SBF2: variants seen among roughly 807,000 people sequenced by gnomAD.
SBF2 encodes SET binding factor 2, also known as myotubularin-related protein 13.
A neutral mutation model predicts 225.2 loss-of-function variants in SBF2; 112 were observed. The observed-to-expected ratio is 0.50, with a 90% CI of 0.43 to 0.58. The LOEUF (loss-of-function observed/expected upper bound fraction) is 0.58. Ranked by LOEUF, SBF2 falls within the 20% of genes least tolerant of loss-of-function variation. The pLI is 0.00. For synonymous variants in SBF2, 763 were observed against 773.3 expected (o/e 0.99, Z 0.22); for missense variants, 1,996 against 2,206.2 (o/e 0.90, Z 1.91).
At chr11:9,830,422 G>T (rs1024085345) in intron 27 of SBF2, among the ~76,000 whole-genome samples, 1 of 152,066 alleles carries the variant, frequency 6.6e-6, no homozygotes, top group African/African-American at 2.4e-5. Context: ...CACATCAATT[G>T]TAAGATGCAT....
At chr11:9,914,374 G>A (rs985652549) in intron 16 of SBF2, among the ~76,000 whole-genome samples, 3 of 152,216 alleles carry the variant, frequency 2.0e-5, no homozygotes, top group Admixed American at 1.3e-4. Flanking sequence ...TGAGAGCCAA[G>A]AAACAGATCT....
chr11:10,108,648 C>A (rs1344531422), intron 2 of SBF2, among the ~76,000 whole-genome samples: 1 of 150,614 alleles, frequency 6.6e-6, no homozygotes, highest in East Asian at 1.9e-4. Flanking sequence ...CCTCAGCCTC[C>A]CGAGTAGCTG....
intron 16 of SBF2, among the ~76,000 whole-genome samples, chr11:9,912,207 C>T (rs908344063): frequency 9.4e-5 from 13 of 138,952 alleles, no homozygotes; most frequent in Admixed American, 6.6e-4. Context: ...CTCAGCTACT[C>T]GGGAGGCTGA....
At chr11:9,949,227 G>T (rs957896867) in intron 16 of SBF2, among the ~76,000 whole-genome samples, 1 of 152,052 alleles carries the variant, frequency 6.6e-6, no homozygotes, top group Non-Finnish European at 1.5e-5. Context: ...TCTTATATTT[G>T]AAAACCTAAC....
At chr11:10,193,835 G>T in intron 2 of SBF2, 67 bp downstream of exon 2, 1 of 1,048,048 alleles carries the variant, frequency 9.5e-7, no homozygotes, top group Non-Finnish European at 1.5e-6. Flanking sequence ...TAACATAAAT[G>T]TAAAAATCAA....
chr11:10,253,078 T>C (rs577294459), intron 1 of SBF2, among the ~76,000 whole-genome samples: 6 of 132,296 alleles, frequency 4.5e-5, no homozygotes, highest in South Asian at 4.6e-4. Flanking sequence ...GAAAAACATA[T>C]TGACAGACAA....
chr11:10,264,437 C>A (rs1404277064), intron 1 of SBF2, among the ~76,000 whole-genome samples: 3 of 151,996 alleles, frequency 2.0e-5, no homozygotes, highest in Non-Finnish European at 4.4e-5. Context: ...TCTAGGCTGC[C>A]ATCCCATCTT....
chr11:10,064,652 C>T (rs7950240), intron 2 of SBF2, among the ~76,000 whole-genome samples: 70,189 of 151,892 alleles, frequency 0.46, 16,597 homozygotes, highest in Admixed American at 0.56. Context: ...TTAATATCAA[C>T]GTAGATTTCA....
intron 17 of SBF2, among the ~76,000 whole-genome samples, chr11:9,889,436 A>C (rs1860614545): frequency 6.6e-6 from 1 of 152,224 alleles, no homozygotes. Context: ...TAGAATGTAT[A>C]AGCCAAAGTT....
chr11:10,155,846 T>C (rs1955449743), intron 2 of SBF2, among the ~76,000 whole-genome samples: 1 of 152,234 alleles, frequency 6.6e-6, no homozygotes. Context: ...ATCAGATCAT[T>C]TACTTTACTG....
intron 26 of SBF2, 120 bp downstream of exon 26, chr11:9,839,378 T>C (rs964754541): frequency 2.0e-6 from 2 of 992,726 alleles, no homozygotes; most frequent in African/African-American, 3.2e-5. Flanking sequence ...CCTGGAGACC[T>C]TGTTCTTATT....
intron 1 of SBF2, among the ~76,000 whole-genome samples, chr11:10,242,187 C>A (rs1959271831): frequency 6.6e-6 from 1 of 151,872 alleles, no homozygotes; most frequent in South Asian, 2.1e-4. Context: ...ATAAGATACA[C>A]AACATAAAGA....
intron 32 of SBF2, among the ~76,000 whole-genome samples, chr11:9,799,607 G>A (rs1362606665): frequency 6.6e-6 from 1 of 152,212 alleles, no homozygotes; most frequent in African/African-American, 2.4e-5. Flanking sequence ...GGGTTGATTA[G>A]TACCTAGATA....
chr11:10,172,335 CATT>C (rs1478151270), intron 2 of SBF2, among the ~76,000 whole-genome samples: 1 of 151,796 alleles, frequency 6.6e-6, no homozygotes, highest in South Asian at 2.1e-4. Context: ...GCTCTGTTTT[CATT>C]ATTGTTTGTT....
chr11:10,232,419 G>A (rs1002832615), intron 1 of SBF2, among the ~76,000 whole-genome samples: 1 of 152,196 alleles, frequency 6.6e-6, no homozygotes, highest in Admixed American at 6.6e-5. Flanking sequence ...GCTGTAGACT[G>A]GAGCTGTTCC....
chr11:9,849,410 G>A (rs1233073871), intron 22 of SBF2, among the ~76,000 whole-genome samples: 3 of 152,182 alleles, frequency 2.0e-5, no homozygotes, highest in Admixed American at 1.3e-4. Flanking sequence ...ATAGACTATA[G>A]TGAATTTAAG....
At chr11:10,098,929 GC>G (rs1348428106) in intron 2 of SBF2, among the ~76,000 whole-genome samples, 1 of 151,830 alleles carries the variant, frequency 6.6e-6, no homozygotes, top group African/African-American at 2.4e-5. Flanking sequence ...ACCAAAATAT[GC>G]ATGATAGAAG....
intron 16 of SBF2, among the ~76,000 whole-genome samples, chr11:9,955,636 T>C (rs1303620017): frequency 6.6e-6 from 1 of 152,030 alleles, no homozygotes; most frequent in Admixed American, 6.5e-5. Context: ...ATCTACAAAA[T>C]GTTTGAAGTG....
At chr11:9,963,098 T>G (rs1019461968) in intron 15 of SBF2, among the ~76,000 whole-genome samples, 5 of 152,210 alleles carry the variant, frequency 3.3e-5, no homozygotes, top group African/African-American at 1.2e-4. Context: ...CACATTTAAG[T>G]TCAATACTAC....
Sources: gnomAD v4.1 joint callset for allele counts (sites outside exome capture counted in the v4.1 genomes callset) on GRCh38, gnomAD v4.1.1 for gene constraint, MANE v1.5 for transcripts, NCBI Gene and HGNC (gene_info 2026-07-23, HGNC 2026-07-21) for gene names.